Variants in NEK9 observed in about 807,000 individuals in gnomAD.
The protein encoded by NEK9 is NIMA related kinase 9, also known as serine/threonine-protein kinase Nek9.
Under a neutral mutation model 123.4 loss-of-function variants are expected in NEK9, and 75 were observed. That is an observed-to-expected ratio of 0.61 (90% CI 0.50 to 0.74). The LOEUF is 0.74. Ranked by LOEUF, NEK9 falls within the 30% of genes least tolerant of loss-of-function variation. The probability of loss-of-function intolerance (pLI) is 0.00; values close to 1 mark genes in which losing one functional copy is unlikely to be tolerated. For missense variants in NEK9, 952 were observed against 1,214.4 expected, an observed-to-expected ratio of 0.78 and a Z score of 3.21; for synonymous variants, 438 against 458.7, an observed-to-expected ratio of 0.95 and a Z score of 0.58.
At position 75,113,455 on chromosome 14, in the gene NEK9, G is replaced by A. The variant is rs149323737; in HGVS notation, c.874-52C>T. On this transcript the variant is annotated intron_variant, in intron 7 of 21. Coordinates refer to ENST00000238616, the MANE Select transcript of NEK9 (RefSeq NM_033116.6). The stretch of plus-strand genomic sequence containing the variant: ...TCACTTAATGGAAATGGGCGACATC[G>A]GATCTAAAGATGTTAATTAGTCAAA... 313 of 1,264,900 alleles carry A rather than the reference G, an allele frequency of 2.5e-4. 1 individual carries two copies. In the East Asian group the frequency reaches 3.9e-3, roughly 16 times the overall value. 78.4% of individuals were successfully genotyped at this position (1,264,900 alleles called of 1,614,324 possible).
At position 75,097,140 on chromosome 14, in the gene NEK9, C is replaced by T. The variant is rs556120469; in HGVS notation, c.2133G>A (p.Pro711=). Reference sequence around the variant, plus strand: ...TATGCCATCCACGGCAAGACAGGTCCGGGACATGATGCAGAGATCCAAAAA... The same window carrying T: ...TATGCCATCCACGGCAAGACAGGTCTGGGACATGATGCAGAGATCCAAAAA... ...RPIFGSLHHV[P]DLSCRGWHTI... is the part of the protein sequence containing the mutation. The change falls in exon 17 of 22, where the codon CCG becomes CCA. Residue 711 remains proline (P), a synonymous_variant. Transcript: ENST00000238616. 6.4e-5 allele frequency: 104 copies of T among 1,612,812 alleles called. No individual in the cohort carries two copies. Among genetic ancestry groups the T allele is most frequent in the Admixed American group, 2.0e-4 (12 of 59,834 alleles).
intron 18 of NEK9, 70 bp downstream of exon 18, chr14:75,095,302 G>A: frequency 9.5e-7 from 1 of 1,055,024 alleles, no homozygotes; most frequent in Non-Finnish European, 1.4e-6. Flanking sequence ...GGGTTTTGGA[G>A]TCTACATGGA....
Position 75,101,088 on chromosome 14 carries a change from T to C in NEK9, c.1906A>G (p.Lys636Glu), listed in dbSNP as rs749653761. Residue 636 changes from lysine (K) to glutamate (E), a missense_variant, in exon 16 of 22, where the codon AAG becomes GAG. Physicochemically the swap from Lys to Glu is moderately conservative, Grantham distance 56. Transcript: ENST00000238616. ...CCCAACAGGTTGATTCCCAGACGCT[T>C]CTTGTAGTTCCCAACGCCCAGCTGC... ...CGQLGVGNYK[K>E]RLGINLLGGP... The C allele has an allele frequency of 6.2e-7, 1 of 1,614,252 alleles. No homozygotes were observed.
chr14:75,096,559 G>C (rs1462054357), intron 17 of NEK9: 1 of 152,200 alleles, frequency 6.6e-6, no homozygotes, highest in Admixed American at 6.5e-5. Flanking sequence ...GCTCATGCCT[G>C]TAATCCCAGC....
At chr14:75,105,655 T>C (rs564927957) in intron 13 of NEK9, among the ~76,000 whole-genome samples, 3 of 152,224 alleles carry the variant, frequency 2.0e-5, no homozygotes, top group Non-Finnish European at 2.9e-5. Flanking sequence ...TTCCAGGGTA[T>C]TTGTAGCTAT....
chr14:75,091,427 T>C lies in NEK9; in HGVS notation c.2285A>G (p.Glu762Gly), dbSNP rs529009183. 1.5e-4 allele frequency: 239 copies of C among 1,612,282 alleles called. 7 individuals are homozygous for C. The South Asian group carries it at 2.5e-3, about 17-fold the overall frequency. Residue 762 changes from glutamate to glycine, a missense_variant, in exon 19 of 22, where the codon GAA (glutamate) becomes GGA (glycine). Physicochemically the swap from Glu to Gly is moderately conservative, Grantham distance 98. This residue lies in a region of NEK9 where 698 missense variants were observed against 875.6 expected (regional missense o/e 0.80). Transcript: ENST00000238616. ...TTCAGATTCCTGCTGACTGTCCTCTTCTTCACCACCGCCGCCCCCGCCGCC... is the reference window on the plus strand; with the variant it reads ...TTCAGATTCCTGCTGACTGTCCTCTCCTTCACCACCGCCGCCCCCGCCGCC... The part of the protein sequence containing the change: ...GGGGGGGGGE[E>G]EDSQQESETP...
Position 75,080,257 on chromosome 14 carries a change from G to A in NEK9, c.*4307C>T, listed in dbSNP as rs2139695164. On this transcript the variant is annotated 3_prime_UTR_variant, in exon 22 of 22. Coordinates refer to ENST00000238616, the MANE Select transcript of NEK9 (RefSeq NM_033116.6). ...AGGCAGGAGAATTGCTTGAACCCAG[G>A]AGGCAGAGGTTGCAGTGAGCTGAGA... 6.6e-6 allele frequency: 1 copy of A among 151,436 alleles called. No homozygotes were observed. Among genetic ancestry groups the A allele is most frequent in the Non-Finnish European group, 1.5e-5 (1 of 67,976 alleles). The allele number at this position is 151,436 out of a possible 1,614,324, so 9.4% of individuals were successfully genotyped here.
rs1894579775 is a variant in NEK9, at chr14:75,101,543, T to C, written c.1840+114A>G. On this transcript the variant is annotated intron_variant, in intron 15 of 21. Coordinates refer to ENST00000238616, the MANE Select transcript of NEK9 (RefSeq NM_033116.6). The stretch of plus-strand genomic sequence containing the variant: ...GTACCTGAATACATTAATGAAATAA[T>C]ACTAGATTTTCAGGGGAAATCGGGA... 15 of 621,964 alleles carry C rather than the reference T, an allele frequency of 2.4e-5. No individual in the cohort carries two copies. The South Asian group carries it at 2.6e-4, about 11-fold the overall frequency. The allele number at this position is 621,964 out of a possible 1,614,324, so 38.5% of individuals were successfully genotyped here.
chr14:75,101,072 T>C lies in NEK9; in HGVS notation c.1922A>G (p.Asn641Ser). The C allele has an allele frequency of 3.1e-6, 5 of 1,614,232 alleles. No individual in the cohort carries two copies. The highest frequency in any genetic ancestry group is 3.4e-6 in the Non-Finnish European group (4 of 1,180,042). ...VGNYKKRLGINLLGGPLGGKQ... is the reference protein window; with the variant it reads ...VGNYKKRLGISLLGGPLGGKQ... ...CCCACCAAGGGGTCCCCCCAACAGGTTGATTCCCAGACGCTTCTTGTAGTT... is the reference window on the plus strand; with the variant it reads ...CCCACCAAGGGGTCCCCCCAACAGGCTGATTCCCAGACGCTTCTTGTAGTT... The change falls in exon 16 of 22, where the codon AAC becomes AGC. Residue 641 changes from asparagine to serine, a missense_variant. Physicochemically the swap from Asn to Ser is conservative, Grantham distance 46 (BLOSUM62 1). Transcript: ENST00000238616.
intron 5 of NEK9, 86 bp from the exon 6 acceptor site, chr14:75,117,412 G>A: frequency 7.1e-7 from 1 of 1,415,370 alleles, no homozygotes; most frequent in Non-Finnish European, 9.5e-7. Flanking sequence ...AATTTCCTAG[G>A]AACTAGTCAT....
chr14:75,092,935 A>G (rs1894266828), intron 18 of NEK9, among the ~76,000 whole-genome samples: 1 of 152,206 alleles, frequency 6.6e-6, no homozygotes, highest in Non-Finnish European at 1.5e-5. Flanking sequence ...CTACGGAAGC[A>G]GCAGAACTAT....
At position 75,084,530 on chromosome 14, in the gene NEK9, C is replaced by T. The variant is rs1256831971; in HGVS notation, c.*34G>A. 3.1e-6 allele frequency: 5 copies of T among 1,612,126 alleles called. No homozygotes were observed. Among genetic ancestry groups the T allele is most frequent in the Non-Finnish European group, 4.2e-6 (5 of 1,178,966 alleles). ...AAGTGTGCTGTGAAGTTCTTTGGGT[C>T]CCAGTCTCCTGGGGGCTCTACAGGC... On this transcript the variant is annotated 3_prime_UTR_variant, in exon 22 of 22. Coordinates refer to ENST00000238616, the MANE Select transcript of NEK9 (RefSeq NM_033116.6).
At chr14:75,095,320 CA>C (rs1894347154) in intron 18 of NEK9, 51 bp downstream of exon 18, 7 of 1,373,578 alleles carry the variant, frequency 5.1e-6, no homozygotes, top group Non-Finnish European at 1.0e-6. Flanking sequence ...GGAATCTAAC[CA>C]AAAGACCCAC....
At position 75,088,484 on chromosome 14, in the gene NEK9, G is replaced by A; in HGVS notation, c.2600C>T (p.Ala867Val). ...AAAGGCAAAAAGCTCAGTTACCGAG[G>A]CTTCTACTTGGGGTTTGTGTTCCAA... Reference protein sequence around the residue: ...APLEHKPQVEASSPRLNPAVT... With the variant: ...APLEHKPQVEVSSPRLNPAVT... The change falls in exon 20 of 22, where the codon GCC becomes GTC. Residue 867 changes from alanine to valine, a missense_variant. Around this residue, in one of 4 missense-constraint regions of NEK9, gnomAD observed 698 missense variants for 875.6 expected, o/e 0.80. Coordinates refer to ENST00000238616, the MANE Select transcript of NEK9 (RefSeq NM_033116.6). 3 of 1,613,348 alleles carry A rather than the reference G, an allele frequency of 1.9e-6. No homozygotes were observed. The highest frequency in any genetic ancestry group is 2.5e-6 in the Non-Finnish European group (3 of 1,179,664).
Position 75,081,911 on chromosome 14 carries a change from T to TAGC in NEK9, c.*2650_*2652dup, listed in dbSNP as rs1320882665. 1 of 152,166 alleles carries TAGC rather than the reference T, an allele frequency of 6.6e-6. No individual in the cohort carries two copies. The highest frequency in any genetic ancestry group is 1.5e-5 in the Non-Finnish European group (1 of 68,030). The allele number at this position is 152,166 out of a possible 1,614,324, so 9.4% of individuals were successfully genotyped here. On this transcript the variant is annotated 3_prime_UTR_variant, in exon 22 of 22. Transcript: ENST00000238616. This position sits in a 1 kb window ranked among gnomAD's most constrained non-coding sequence, Gnocchi z 4.2. ...TTAGACATTTTTGGGAAAAAAGCTG[T>TAGC]AGCAGCAGCAATGATTCTGCTGGCA... is the stretch of plus-strand genomic sequence containing the variant.
intron 18 of NEK9, among the ~76,000 whole-genome samples, chr14:75,093,914 G>T (rs1894298351): frequency 6.6e-6 from 1 of 152,144 alleles, no homozygotes; most frequent in African/African-American, 2.4e-5. Flanking sequence ...TTTACCATTT[G>T]CCAGGCACTG....
In NEK9 at chr14:75,086,927, A is replaced by G. The variant is rs906354481; in HGVS notation, c.2817+91T>C. ...CTCAAAAAAAAAGTAAGGACCTGCA[A>G]AGGAACAAGTCTATTTCAGTACTTT... On this transcript the variant is annotated intron_variant, in intron 21 of 21. Transcript: ENST00000238616. 8.9e-6 allele frequency: 12 copies of G among 1,346,544 alleles called. No homozygotes were observed. The East Asian group carries it at 2.5e-4, about 29-fold the overall frequency. 83.4% of individuals were successfully genotyped at this position (1,346,544 alleles called of 1,614,324 possible). A position where few individuals can be genotyped will look rare whatever the true frequency, so the allele number is the denominator to read the frequency against.
At chr14:75,105,311 A>C (rs1202106813) in intron 13 of NEK9, among the ~76,000 whole-genome samples, 1 of 149,598 alleles carries the variant, frequency 6.7e-6, no homozygotes, top group East Asian at 1.9e-4. Flanking sequence ...CAAGGAAAGA[A>C]AAAAAAAAAA....
intron 18 of NEK9, among the ~76,000 whole-genome samples, chr14:75,095,033 TGGAATACCCCTG>T (rs1894336322): frequency 6.6e-6 from 1 of 152,166 alleles, no homozygotes; most frequent in Admixed American, 6.5e-5. Flanking sequence ...TTCTTTAGAC[TGGAATACCCCTG>T]GGAATACCGT....
Sources: allele counts gnomAD v4.1 joint callset (sites outside exome capture counted in the v4.1 genomes callset), GRCh38; gene constraint gnomAD v4.1.1; regional missense constraint gnomAD v4.1.1; non-coding constraint Gnocchi (gnomAD v3.1); transcripts MANE v1.5; gene names NCBI Gene and HGNC (gene_info 2026-07-23, HGNC 2026-07-21).